PCGF6: variants seen among roughly 807,000 people sequenced by gnomAD.
PCGF6 encodes the protein polycomb group ring finger 6.
PCGF6 carries 24 observed loss-of-function variants against 45.5 expected under a neutral mutation model. The observed-to-expected ratio is 0.53, with a 90% CI of 0.38 to 0.74. PCGF6 has a LOEUF of 0.74. Among genes scored for constraint, PCGF6 ranks in the 30% least tolerant of loss-of-function variants. The pLI is 0.00. For synonymous variants in PCGF6, 152 were observed against 162.1 expected (o/e 0.94, Z 0.47); for missense variants, 356 against 443.2 (o/e 0.80, Z 1.77).
chr10:103,307,144 T>C (rs1254706058), intron 9 of PCGF6, among the ~76,000 whole-genome samples: 1 of 151,052 alleles, frequency 6.6e-6, no homozygotes, highest in Non-Finnish European at 1.5e-5. Flanking sequence ...ATAAAAAAAT[T>C]TAAACACAAG....
intron 8 of PCGF6, among the ~76,000 whole-genome samples, chr10:103,314,951 T>C (rs2093169274): frequency 1.9e-5 from 1 of 52,712 alleles, no homozygotes; most frequent in African/African-American, 8.6e-5. Flanking sequence ...CGAGACTCTG[T>C]CATAAAAAAA....
intron 5 of PCGF6, among the ~76,000 whole-genome samples, chr10:103,346,009 A>G (rs1193979239): frequency 2.0e-5 from 3 of 151,550 alleles, no homozygotes; most frequent in African/African-American, 4.9e-5. Flanking sequence ...CCTGGCCAAC[A>G]TGGTGAAACC....
Position 103,303,241 on chromosome 10 carries a change from C to T in PCGF6, c.*664G>A, listed in dbSNP as rs2093125569. 6.6e-6 allele frequency: 1 copy of T among 152,524 alleles called. No homozygotes were observed. Among genetic ancestry groups the T allele is most frequent in the Admixed American group, 6.6e-5 (1 of 15,258 alleles). The allele number at this position is 152,524 out of a possible 1,614,324, so 9.4% of individuals were successfully genotyped here. ...ATAAAAATACTGTCACAAAGAAGCACCCCTTATTGGAAGATGTATTGAAGA... is the reference window on the plus strand; with the variant it reads ...ATAAAAATACTGTCACAAAGAAGCATCCCTTATTGGAAGATGTATTGAAGA... On this transcript the variant is annotated 3_prime_UTR_variant, in exon 10 of 10. Transcript: ENST00000369847.
At chr10:103,328,558 T>C (rs1452281727) in intron 7 of PCGF6, among the ~76,000 whole-genome samples, 1 of 152,198 alleles carries the variant, frequency 6.6e-6, no homozygotes, top group African/African-American at 2.4e-5. Context: ...TGAACTTGTC[T>C]GTGTCTCTAT....
intron 9 of PCGF6, among the ~76,000 whole-genome samples, chr10:103,304,283 C>A (rs2093129691): frequency 6.6e-6 from 1 of 151,680 alleles, no homozygotes; most frequent in Non-Finnish European, 1.5e-5. Context: ...ATTACAGGCA[C>A]CCGCCACCAT....
intron 7 of PCGF6, among the ~76,000 whole-genome samples, chr10:103,329,021 AGGCGTGAGCCACTGCGCCC>A (rs1235558189): frequency 6.6e-6 from 1 of 151,292 alleles, no homozygotes; most frequent in Non-Finnish European, 1.5e-5. Flanking sequence ...CTGGGATTAC[AGGCGTGAGCCACTGCGCCC>A]GGCGGATTTT....
intron 6 of PCGF6, among the ~76,000 whole-genome samples, chr10:103,336,807 G>A (rs1405556430): frequency 1.3e-4 from 20 of 152,086 alleles, no homozygotes; most frequent in African/African-American, 4.3e-4. Context: ...CCCGGGAGGC[G>A]GAGGTTGCAG....
At chr10:103,331,229 G>C in intron 7 of PCGF6, among the ~76,000 whole-genome samples, 1 of 152,096 alleles carries the variant, frequency 6.6e-6, no homozygotes, top group East Asian at 1.9e-4. Flanking sequence ...TCAGCTAATA[G>C]GTTATATACA....
rs773625016 is a variant in PCGF6, at chr10:103,351,117, C to A, written c.-51G>T. On this transcript the variant is annotated 5_prime_UTR_variant, in exon 1 of 10. Transcript: ENST00000369847. The stretch of plus-strand genomic sequence containing the variant: ...GAGGCGGCGGGAGAGCGCGGGAGTT[C>A]GGCCGGCCTCGGACGCCACCACTGC... 7.5e-7 allele frequency: 1 copy of A among 1,334,028 alleles called. No homozygotes were observed. The highest frequency in any genetic ancestry group is 9.6e-7 in the Non-Finnish European group (1 of 1,041,918). The allele number at this position is 1,334,028 out of a possible 1,614,324, so 82.6% of individuals were successfully genotyped here. A position where few individuals can be genotyped will look rare whatever the true frequency, so the allele number is the denominator to read the frequency against.
chr10:103,307,907 T>C (rs1293702475), intron 9 of PCGF6, among the ~76,000 whole-genome samples: 1 of 152,228 alleles, frequency 6.6e-6, no homozygotes, highest in Non-Finnish European at 1.5e-5. Context: ...ATTGTGGAAA[T>C]CTTTATTGAA....
intron 8 of PCGF6, among the ~76,000 whole-genome samples, chr10:103,325,923 T>C (rs2133573690): frequency 6.6e-6 from 1 of 151,102 alleles, no homozygotes; most frequent in South Asian, 2.1e-4. Context: ...CTCAGGAGGC[T>C]GAGACAGGAG....
At chr10:103,344,330 G>A (rs2093291724) in intron 6 of PCGF6, among the ~76,000 whole-genome samples, 1 of 150,548 alleles carries the variant, frequency 6.6e-6, no homozygotes, top group South Asian at 2.1e-4. Context: ...GGAGTGCGGT[G>A]GCACGACCTC....
chr10:103,347,415 A>G lies in PCGF6; in HGVS notation c.593T>C (p.Leu198Ser). The change falls in exon 4 of 10, where the codon TTA becomes TCA. Residue 198 changes from leucine to serine, a missense_variant. Transcript: ENST00000369847. ...CTTACTTTCCTCTAGATTGATCACT[A>G]ATTTGTACACTATGTCTTGTAACTG... ...DRQLQDIVYK[L>S]VINLEEREKK... is the part of the protein sequence containing the mutation. The G allele has an allele frequency of 6.2e-7, 1 of 1,608,300 alleles. No individual in the cohort carries two copies. Among genetic ancestry groups the G allele is most frequent in the Non-Finnish European group, 8.5e-7 (1 of 1,175,332 alleles).
intron 9 of PCGF6, among the ~76,000 whole-genome samples, chr10:103,306,590 T>C (rs1004920877): frequency 2.0e-5 from 3 of 152,216 alleles, no homozygotes; most frequent in South Asian, 2.1e-4. Context: ...AGCTTTTCCA[T>C]GGCTCCACTT....
intron 6 of PCGF6, among the ~76,000 whole-genome samples, chr10:103,344,400 T>C (rs2093291937): frequency 6.6e-6 from 1 of 151,728 alleles, no homozygotes; most frequent in Non-Finnish European, 1.5e-5. Flanking sequence ...GCCTCCCGAG[T>C]AGCTGGGATT....
chr10:103,318,212 A>G lies in PCGF6; in HGVS notation c.910-3940T>C, dbSNP rs1224795672. Among the ~76,000 whole-genome samples, 47 of 142,134 alleles carry G rather than the reference A, an allele frequency of 3.3e-4. No individual in the cohort carries two copies. The East Asian group carries it at 9.6e-3, about 29-fold the overall frequency. The allele number at this position is 142,134 out of a possible 152,430, so 93.2% of individuals were successfully genotyped here. On this transcript the variant is annotated intron_variant, in intron 8 of 9. Coordinates refer to ENST00000369847, the MANE Select transcript of PCGF6 (RefSeq NM_001011663.2). ...AATCCCAGCACTTTGGGAGGCCGAG[A>G]CGGGCAGATCACCTGAGGTCAGGAG...
chr10:103,305,889 A>G (rs1023531309), intron 9 of PCGF6, among the ~76,000 whole-genome samples: 2 of 150,414 alleles, frequency 1.3e-5, no homozygotes, highest in Admixed American at 1.3e-4. Context: ...CTCTCTACTT[A>G]TATAATTTAA....
chr10:103,339,307 T>C (rs986582469), intron 6 of PCGF6, among the ~76,000 whole-genome samples: 25 of 151,966 alleles, frequency 1.6e-4, no homozygotes, highest in Admixed American at 4.6e-4. Context: ...AGAGGATTGC[T>C]TGAGTATAGG....
At chr10:103,341,162 G>A (rs562053132) in intron 6 of PCGF6, among the ~76,000 whole-genome samples, 17 of 152,016 alleles carry the variant, frequency 1.1e-4, no homozygotes, top group Middle Eastern at 3.4e-3. Flanking sequence ...CCGGGAGGTG[G>A]AGGTTGCGGT....
Sources: allele counts gnomAD v4.1 joint callset (sites outside exome capture counted in the v4.1 genomes callset), GRCh38; gene constraint gnomAD v4.1.1; transcripts MANE v1.5; gene names NCBI Gene and HGNC (gene_info 2026-07-23, HGNC 2026-07-21).